The following FAT3 variants were observed in gnomAD, a reference collection of about 807,000 sequenced individuals.
FAT3 encodes the protein FAT atypical cadherin 3.
In FAT3, 95 loss-of-function variants were observed where a neutral mutation model predicts 310.2. The ratio of observed to expected loss-of-function variants is 0.31; its 90% confidence interval spans 0.26 to 0.36. The LOEUF (loss-of-function observed/expected upper bound fraction) is 0.36. FAT3 is among the 10% of genes least tolerant of loss of function. The probability of loss-of-function intolerance (pLI) is 1.00; values close to 1 mark genes in which losing one functional copy is unlikely to be tolerated. For synonymous variants in FAT3, 2,314 were observed against 2,192.9 expected (o/e 1.06, Z -1.54); for missense variants, 5,408 against 5,715.6 (o/e 0.95, Z 1.74).
chr11:92,266,973 T>C (rs1449343953), intron 1 of FAT3, among the ~76,000 whole-genome samples: 1 of 152,134 alleles, frequency 6.6e-6, no homozygotes, highest in East Asian at 1.9e-4. Context: ...TCTGGGCTGA[T>C]ATAAATCTTC....
intron 1 of FAT3, among the ~76,000 whole-genome samples, chr11:92,342,046 C>T (rs1325377493): frequency 6.6e-6 from 1 of 152,058 alleles, no homozygotes; most frequent in Admixed American, 6.6e-5. Context: ...GACGTTTAGC[C>T]AAATAGACAA....
rs188092840 is a variant in FAT3 at position 92,294,744 on chromosome 11, C to G, written c.-17-57352C>G. Reference sequence around the variant, plus strand: ...TGAGCCTTTTGTAAACCATGGAGATCCTTCACTCCATCCCTCTTTTTCTTT... The same window carrying G: ...TGAGCCTTTTGTAAACCATGGAGATGCTTCACTCCATCCCTCTTTTTCTTT... On this transcript the variant is annotated intron_variant, in intron 1 of 27. Transcript: ENST00000525166. 2.8e-4 allele frequency among the ~76,000 whole-genome samples: 43 copies of G among 151,860 alleles called. 1 individual carries two copies. Among genetic ancestry groups the G allele is most frequent in the Non-Finnish European group, 5.4e-4 (37 of 67,924 alleles).
chr11:92,333,893 C>T (rs1428020253), intron 1 of FAT3, among the ~76,000 whole-genome samples: 1 of 151,938 alleles, frequency 6.6e-6, no homozygotes, highest in African/African-American at 2.4e-5. Context: ...GATTCCCCCT[C>T]CCCCCCAACA....
intron 22 of FAT3, among the ~76,000 whole-genome samples, chr11:92,878,990 G>A (rs980294193): frequency 1.3e-5 from 2 of 151,866 alleles, no homozygotes; most frequent in Non-Finnish European, 2.9e-5. Flanking sequence ...CCCATATAAA[G>A]TACATCACTG....
intron 2 of FAT3, among the ~76,000 whole-genome samples, chr11:92,440,917 G>C (rs1951051368): frequency 6.6e-6 from 1 of 152,160 alleles, no homozygotes; most frequent in African/African-American, 2.4e-5. Context: ...TCCTTAACCT[G>C]ACTGGGTCTC....
At chr11:92,649,437 G>A (rs1229851310) in intron 3 of FAT3, among the ~76,000 whole-genome samples, 1 of 152,136 alleles carries the variant, frequency 6.6e-6, no homozygotes, top group Admixed American at 6.5e-5. Context: ...CAAGGTGAAG[G>A]CAGAGCTCTA....
intron 1 of FAT3, among the ~76,000 whole-genome samples, chr11:92,261,576 T>C (rs1018188968): frequency 6.6e-6 from 1 of 152,122 alleles, no homozygotes; most frequent in Admixed American, 6.6e-5. Context: ...AACTGTGTGA[T>C]TTTTTAGCTC....
intron 3 of FAT3, among the ~76,000 whole-genome samples, chr11:92,527,949 T>C (rs189367268): frequency 3.9e-5 from 6 of 152,342 alleles, no homozygotes; most frequent in Non-Finnish European, 7.3e-5. Context: ...AACTAAGCTT[T>C]CATTTCCTCC....
intron 3 of FAT3, among the ~76,000 whole-genome samples, chr11:92,669,723 C>T (rs1489371405): frequency 1.3e-5 from 2 of 152,102 alleles, no homozygotes; most frequent in Non-Finnish European, 2.9e-5. Context: ...ACAGGCAATC[C>T]TAGTTTCCAA....
At chr11:92,331,001 TGTGA>T (rs1209305515) in intron 1 of FAT3, among the ~76,000 whole-genome samples, 122 of 117,806 alleles carry the variant, frequency 1.0e-3, no homozygotes, top group East Asian at 5.7e-3. Flanking sequence ...TGTGTGTGTG[TGTGA>T]GAGAGAGAGA....
At chr11:92,619,851 C>T (rs1321864310) in intron 3 of FAT3, among the ~76,000 whole-genome samples, 1 of 151,494 alleles carries the variant, frequency 6.6e-6, no homozygotes, top group East Asian at 1.9e-4. Context: ...CATTGATTTC[C>T]ACCACCACCT....
intron 1 of FAT3, among the ~76,000 whole-genome samples, chr11:92,328,325 A>G (rs1407727929): frequency 1.3e-5 from 2 of 152,196 alleles, no homozygotes; most frequent in Non-Finnish European, 2.9e-5. Context: ...GGATATTTGC[A>G]TTTTTAACAT....
chr11:92,747,439 A>C (rs1166390301), intron 4 of FAT3, among the ~76,000 whole-genome samples: 1 of 152,188 alleles, frequency 6.6e-6, no homozygotes, highest in Non-Finnish European at 1.5e-5. Context: ...CCCAGCCCAC[A>C]AAACCATTTT....
chr11:92,243,353 C>T (rs1006655602), intron 1 of FAT3, among the ~76,000 whole-genome samples: 1 of 151,874 alleles, frequency 6.6e-6, no homozygotes, highest in Non-Finnish European at 1.5e-5. Context: ...TGTGTGCAGG[C>T]GTCGGTGAAT....
At chr11:92,478,750 G>A (rs191459521) in intron 2 of FAT3, among the ~76,000 whole-genome samples, 1 of 151,948 alleles carries the variant, frequency 6.6e-6, no homozygotes, top group African/African-American at 2.4e-5. Context: ...CTGAGTAGCT[G>A]GGATTATAGG....
At chr11:92,522,935 T>G (rs2135354820) in intron 2 of FAT3, among the ~76,000 whole-genome samples, 1 of 152,278 alleles carries the variant, frequency 6.6e-6, no homozygotes, top group East Asian at 1.9e-4. Flanking sequence ...ATGGGCCCTA[T>G]GAGGCATAAA....
At chr11:92,703,869 T>C (rs1944179198) in intron 4 of FAT3, among the ~76,000 whole-genome samples, 1 of 152,248 alleles carries the variant, frequency 6.6e-6, no homozygotes, top group Non-Finnish European at 1.5e-5. Flanking sequence ...AGTAGGGAGC[T>C]ACTTTCATTA....
intron 3 of FAT3, among the ~76,000 whole-genome samples, chr11:92,628,271 T>C (rs1017655518): frequency 1.3e-5 from 2 of 152,220 alleles, no homozygotes; most frequent in African/African-American, 4.8e-5. Context: ...GAGCTTGCTA[T>C]TTCAAAGGAA....
intron 1 of FAT3, among the ~76,000 whole-genome samples, chr11:92,234,200 G>A (rs1181015086): frequency 6.6e-6 from 1 of 152,188 alleles, no homozygotes; most frequent in Admixed American, 6.5e-5. Flanking sequence ...TTTTTATAAA[G>A]TAAATAACAA....
Sources: allele counts gnomAD v4.1 joint callset (sites outside exome capture counted in the v4.1 genomes callset), GRCh38; gene constraint gnomAD v4.1.1; transcripts MANE v1.5; gene names NCBI Gene and HGNC (gene_info 2026-07-23, HGNC 2026-07-21).